The following AIMP2 variants were observed in gnomAD, a reference collection of about 807,000 sequenced individuals.
AIMP2 encodes the protein aminoacyl tRNA synthase complex-interacting multifunctional protein 2.
In AIMP2, 20 loss-of-function variants were observed where a neutral mutation model predicts 23.4. The ratio of observed to expected loss-of-function variants is 0.85; its 90% CI spans 0.60 to 1.24. The LOEUF (loss-of-function observed/expected upper bound fraction) is 1.24. AIMP2 is among the 50% of genes most tolerant of loss of function. The pLI, the probability that AIMP2 is intolerant of heterozygous loss-of-function variation, is 0.00. For missense variants in AIMP2, 515 were observed against 414.5 expected, an observed-to-expected ratio of 1.24 and a Z score of -2.10; for synonymous variants, 210 against 170.4, an observed-to-expected ratio of 1.23 and a Z score of -1.81.
rs763789143 is a variant in AIMP2, at chr7:6,009,435, G to A, written c.72G>A (p.Met24Ile). Residue 24 changes from methionine (M) to isoleucine (I), a missense_variant, in exon 1 of 4, where the codon ATG becomes ATA. Met to Ile is a conservative substitution (Grantham distance 10). Transcript: ENST00000223029. ...TCCGTGTGGAGCTTCCCACCTGCAT[G>A]TACCGGCTCCCCAACGTGCACGGCA... ...APLRVELPTC[M>I]YRLPNVHGRS... 6.8e-6 allele frequency: 11 copies of A among 1,611,042 alleles called. No homozygotes were observed. Among genetic ancestry groups the A allele is most frequent in the Admixed American group, 3.3e-5 (2 of 59,936 alleles).
chr7:6,009,295 T>C lies in AIMP2; in HGVS notation c.-69T>C. On this transcript the variant is annotated 5_prime_UTR_variant, in exon 1 of 4. Transcript: ENST00000223029. ...TCAGAAGGGAGGTGGCCGGTCTCCGTCGTGACCTCTGACGGTTTCTGAGCG... is the reference window on the plus strand; with the variant it reads ...TCAGAAGGGAGGTGGCCGGTCTCCGCCGTGACCTCTGACGGTTTCTGAGCG... The C allele has an allele frequency of 1.2e-6, 2 of 1,609,964 alleles. No individual in the cohort carries two copies. Among genetic ancestry groups the C allele is most frequent in the Non-Finnish European group, 1.7e-6 (2 of 1,179,100 alleles).
In AIMP2 at chr7:6,009,304, C is replaced by G. The variant is rs911530935; in HGVS notation, c.-60C>G. 1 of 1,610,970 alleles carries G rather than the reference C, an allele frequency of 6.2e-7. No individual in the cohort carries two copies. Among genetic ancestry groups the G allele is most frequent in the Non-Finnish European group, 8.5e-7 (1 of 1,179,680 alleles). ...AGGTGGCCGGTCTCCGTCGTGACCT[C>G]TGACGGTTTCTGAGCGTTGGCCTTT... On this transcript the variant is annotated 5_prime_UTR_variant, in exon 1 of 4. Coordinates refer to ENST00000223029, the MANE Select transcript of AIMP2 (RefSeq NM_006303.4).
intron 1 of AIMP2, among the ~76,000 whole-genome samples, chr7:6,011,479 G>A (rs62456184): frequency 0.17 from 26,591 of 152,076 alleles, 2,849 homozygotes; most frequent in Non-Finnish European, 0.25. Flanking sequence ...CATTGCAAAC[G>A]TACATCCTAG....
At chr7:6,017,542 C>T (rs1006578200) in intron 2 of AIMP2, among the ~76,000 whole-genome samples, 2 of 147,714 alleles carry the variant, frequency 1.4e-5, no homozygotes, top group Non-Finnish European at 3.0e-5. Context: ...AAAAAAGTGT[C>T]ATTCCTCATA....
At chr7:6,021,426 A>G (rs1221333918) in intron 3 of AIMP2, among the ~76,000 whole-genome samples, 2 of 151,638 alleles carry the variant, frequency 1.3e-5, no homozygotes, top group East Asian at 3.9e-4. Flanking sequence ...CCATCATCGT[A>G]TAAAAAGCTG....
intron 2 of AIMP2, among the ~76,000 whole-genome samples, chr7:6,017,349 C>T (rs112800410): frequency 0.025 from 3,770 of 151,530 alleles, 88 homozygotes; most frequent in Middle Eastern, 0.13. Context: ...AACCCCATCT[C>T]TACTAAAAAT....
intron 1 of AIMP2, 43 bp downstream of exon 1, chr7:6,009,541 C>G (rs1033639295): frequency 2.2e-6 from 3 of 1,386,700 alleles, no homozygotes; most frequent in Non-Finnish European, 2.8e-6. Flanking sequence ...CGCGCGGCGA[C>G]CGGCTGCTGG....
chr7:6,015,015 C>CT, intron 1 of AIMP2, 131 bp from the exon 2 acceptor site: 1 of 1,532,982 alleles, frequency 6.5e-7, no homozygotes. Context: ...CCACCACACC[C>CT]AGCCCATAAT....
Position 6,023,603 on chromosome 7 carries a change from G to T in AIMP2, c.875G>T (p.Ser292Ile). Residue 292 changes from serine (S) to isoleucine (I), a missense_variant, in exon 4 of 4, where the codon AGT (serine) becomes ATT (isoleucine). Ser to Ile is a moderately radical substitution (Grantham distance 142). Transcript: ENST00000223029. ...GTACTCCAGCAGATCGGAGGCTGCAGTGTGACAGTGCCAGCCAATGTGCAG... is the reference window on the plus strand; with the variant it reads ...GTACTCCAGCAGATCGGAGGCTGCATTGTGACAGTGCCAGCCAATGTGCAG... ...WSVLQQIGGCSVTVPANVQRW... is the reference protein window; with the variant it reads ...WSVLQQIGGCIVTVPANVQRW... 6.2e-7 allele frequency: 1 copy of T among 1,614,230 alleles called. No individual in the cohort carries two copies. The highest frequency in any genetic ancestry group is 1.3e-5 in the African/African-American group (1 of 75,056).
chr7:6,014,891 TG>T, intron 1 of AIMP2: 1 of 538,154 alleles, frequency 1.9e-6, no homozygotes, highest in South Asian at 2.2e-5. Context: ...GGCTAATTTT[TG>T]TATTTCTAGT....
chr7:6,017,263 C>A (rs563916697), intron 2 of AIMP2, among the ~76,000 whole-genome samples: 3 of 151,962 alleles, frequency 2.0e-5, no homozygotes, highest in African/African-American at 4.8e-5. Flanking sequence ...CATCTGTAAT[C>A]CCAGCATTTT....
At chr7:6,014,555 T>C (rs1786896101) in intron 1 of AIMP2, among the ~76,000 whole-genome samples, 1 of 151,356 alleles carries the variant, frequency 6.6e-6, no homozygotes, top group Non-Finnish European at 1.5e-5. Flanking sequence ...CCACCGCACC[T>C]GGCCTTGTTT....
intron 2 of AIMP2, among the ~76,000 whole-genome samples, chr7:6,015,751 T>C (rs1786992606): frequency 6.6e-6 from 1 of 152,136 alleles, no homozygotes; most frequent in Non-Finnish European, 1.5e-5. Flanking sequence ...AGCTTTCTGG[T>C]TTTCAAAGGC....
intron 1 of AIMP2, among the ~76,000 whole-genome samples, chr7:6,009,974 A>AAAAAAAAAAAAATATATATATATAT: frequency 3.8e-5 from 1 of 26,662 alleles, no homozygotes. Context: ...AAAAAAAAAA[A>AAAAAAAAAAAAATATATATATATAT]ATATATATAT....
intron 1 of AIMP2, among the ~76,000 whole-genome samples, chr7:6,013,885 A>G (rs1038846394): frequency 6.6e-5 from 10 of 151,890 alleles, no homozygotes; most frequent in Admixed American, 1.3e-4. Flanking sequence ...CAGGAAGTCA[A>G]GGCTGCAGTG....
rs779256399 is a variant in AIMP2 at position 6,023,436 on chromosome 7, G to A, written c.708G>A (p.Trp236Ter). ...NAVNATLIDS[W>*]VDIAIFQLKE... Reference sequence around the variant, plus strand: ...TCAACGCAACCCTTATAGATAGCTGGGTAGATATTGCGATTTTTCAGTTAA... The same window carrying A: ...TCAACGCAACCCTTATAGATAGCTGAGTAGATATTGCGATTTTTCAGTTAA... Residue 236 changes from tryptophan (W) to a stop codon, truncating the protein, a stop_gained, in exon 4 of 4, where the codon TGG (tryptophan) becomes TGA (stop). Coordinates refer to ENST00000223029, the MANE Select transcript of AIMP2 (RefSeq NM_006303.4). LOFTEE classifies it high-confidence loss of function. The A allele has an allele frequency of 6.2e-7, 1 of 1,614,154 alleles. No individual in the cohort carries two copies. Among genetic ancestry groups the A allele is most frequent in the South Asian group, 1.1e-5 (1 of 91,082 alleles).
At position 6,015,266 on chromosome 7, in the gene AIMP2, G is replaced by A; in HGVS notation, c.256G>A (p.Asp86Asn). The A allele has an allele frequency of 6.2e-7, 1 of 1,614,210 alleles. No homozygotes were observed. Among genetic ancestry groups the A allele is most frequent in the Non-Finnish European group, 8.5e-7 (1 of 1,180,048 alleles). ...LSKMIQTPDA[D>N]LDVTNIIQAD... Reference sequence around the variant, plus strand: ...CAAGATGATTCAAACACCAGATGCAGACTTGGATGTAACCAACATAATCCA... The same window carrying A: ...CAAGATGATTCAAACACCAGATGCAAACTTGGATGTAACCAACATAATCCA... Residue 86 changes from aspartate to asparagine, a missense_variant, in exon 2 of 4, where the codon GAC (aspartate) becomes AAC (asparagine). By Grantham distance (23) the Asp-to-Asn change is conservative. Transcript: ENST00000223029.
chr7:6,009,497 A>T lies in AIMP2; in HGVS notation c.134A>T (p.Gln45Leu). 1 of 1,532,060 alleles carries T rather than the reference A, an allele frequency of 6.5e-7. No individual in the cohort carries two copies. Among genetic ancestry groups the T allele is most frequent in the Non-Finnish European group, 8.7e-7 (1 of 1,147,462 alleles). 94.9% of individuals were successfully genotyped at this position (1,532,060 alleles called of 1,614,324 possible). A position where few individuals can be genotyped will look rare whatever the true frequency, so the allele number is the denominator to read the frequency against. ...CCAGCGCCGGGCGCTGGCCACGTGC[A>T]GGTAGGAGCGCGGGGCCCCCCGCCC... ...YGPAPGAGHV[Q>L]EESNLSLQAL... The change falls in exon 1 of 4, where the codon CAG becomes CTG. Residue 45 changes from glutamine (Q) to leucine (L), a missense_variant and splice_region_variant. Physicochemically the swap from Gln to Leu is moderately radical, Grantham distance 113 (BLOSUM62 -2). Transcript: ENST00000223029.
chr7:6,014,250 CTTTTTTTTTT>C (rs57008315), intron 1 of AIMP2, among the ~76,000 whole-genome samples: 2 of 67,518 alleles, frequency 3.0e-5, no homozygotes, highest in African/African-American at 6.1e-5. Context: ...TTTGTTGAAG[CTTTTTTTTTT>C]TTTTTTTTTT....
Sources: allele counts gnomAD v4.1 joint callset (sites outside exome capture counted in the v4.1 genomes callset), GRCh38; gene constraint gnomAD v4.1.1; transcripts MANE v1.5; gene names NCBI Gene and HGNC (gene_info 2026-07-23, HGNC 2026-07-21).